KLHDC3: variants seen among roughly 807,000 people sequenced by gnomAD.
KLHDC3 encodes the protein kelch domain containing 3.
In KLHDC3, 5 loss-of-function variants were observed where a neutral mutation model predicts 44.1. The observed-to-expected ratio is 0.11, with a 90% confidence interval of 0.06 to 0.24. The LOEUF (loss-of-function observed/expected upper bound fraction) is 0.24, where lower values mean the gene tolerates loss of function less well. KLHDC3 is among the 10% of genes least tolerant of loss of function. The pLI is 1.00. For missense variants in KLHDC3, 247 were observed against 514.3 expected, an observed-to-expected ratio of 0.48 and a Z score of 5.03; for synonymous variants, 170 against 189.0, an observed-to-expected ratio of 0.90 and a Z score of 0.82.
rs372855075 is a variant in KLHDC3, at chr6:43,021,013, C to T, written c.*280C>T. 4 of 594,770 alleles carry T rather than the reference C, an allele frequency of 6.7e-6. No individual in the cohort carries two copies. 36.8% of individuals were successfully genotyped at this position (594,770 alleles called of 1,614,324 possible). A position where few individuals can be genotyped will look rare whatever the true frequency, so the allele number is the denominator to read the frequency against. On this transcript the variant is annotated 3_prime_UTR_variant, in exon 11 of 11. Coordinates refer to ENST00000326974, the MANE Select transcript of KLHDC3 (RefSeq NM_057161.4). Reference sequence around the variant, plus strand: ...GGCCTCAGCTCTGCCCAGGGCCAGCCAGGTTCTGCTGGGAAGGGAAGGGAA... The same window carrying T: ...GGCCTCAGCTCTGCCCAGGGCCAGCTAGGTTCTGCTGGGAAGGGAAGGGAA...
chr6:43,018,637 C>T lies in KLHDC3; in HGVS notation c.738C>T (p.Gly246=). The T allele has an allele frequency of 6.2e-7, 1 of 1,613,886 alleles. No individual in the cohort carries two copies. Among genetic ancestry groups the T allele is most frequent in the Non-Finnish European group, 8.5e-7 (1 of 1,179,816 alleles). The change falls in exon 7 of 11, where the codon GGC becomes GGT. Residue 246 remains glycine (G), a synonymous_variant. Transcript: ENST00000326974. The surrounding 1 kb of genome is among the most constrained non-coding windows in gnomAD (Gnocchi z 6.0). ...ACACTTCCTCTCTCCTTCCAGTTGG[C>T]TACAATGGGGAGCTGTACATCTTTG... ...PEGRRSHSAF[G]YNGELYIFGG...
rs774262817 is a variant in KLHDC3 at position 43,018,649 on chromosome 6, G to A, written c.750G>A (p.Glu250=). ...RSHSAFGYNG[E]LYIFGGYNAR... ...TCCTTCCAGTTGGCTACAATGGGGA[G>A]CTGTACATCTTTGGTGGTTATAATG... Residue 250 remains glutamate (E), a synonymous_variant, in exon 7 of 11, where the codon GAG becomes GAA. Coordinates refer to ENST00000326974, the MANE Select transcript of KLHDC3 (RefSeq NM_057161.4). This position sits in a 1 kb window ranked among gnomAD's most constrained non-coding sequence, Gnocchi z 6.0. 1.9e-6 allele frequency: 3 copies of A among 1,613,914 alleles called. No individual in the cohort carries two copies. Among genetic ancestry groups the A allele is most frequent in the East Asian group, 4.5e-5 (2 of 44,888 alleles).
At chr6:43,015,091 A>G (rs759766170) in intron 1 of KLHDC3, among the ~76,000 whole-genome samples, 3 of 152,154 alleles carry the variant, frequency 2.0e-5, no homozygotes, top group Non-Finnish European at 4.4e-5. Flanking sequence ...TTACCTTGAC[A>G]TATCTGAAGG....
At chr6:43,014,790 G>A (rs1762520773) in intron 1 of KLHDC3, among the ~76,000 whole-genome samples, 1 of 152,114 alleles carries the variant, frequency 6.6e-6, no homozygotes, top group Non-Finnish European at 1.5e-5. Flanking sequence ...GGAATGGTAG[G>A]AGAAGGAAAA....
intron 1 of KLHDC3, among the ~76,000 whole-genome samples, chr6:43,015,224 G>A (rs996677934): frequency 2.6e-5 from 4 of 152,142 alleles, no homozygotes; most frequent in Non-Finnish European, 4.4e-5. Flanking sequence ...AGTGAGAGTA[G>A]CTTCCTGCTG....
rs372543970 is a variant in KLHDC3 at position 43,018,718 on chromosome 6, T to G, written c.819T>G (p.Pro273=). Residue 273 remains proline (P), a splice_region_variant and synonymous_variant, in exon 7 of 11, where the codon CCT becomes CCG. Transcript: ENST00000326974. This position sits in a 1 kb window ranked among gnomAD's most constrained non-coding sequence, Gnocchi z 6.0. Reference sequence around the variant, plus strand: ...TCCATGACCTCTGGAAGTTTAATCCTGGTAAAGAGCACTGCATTTAGGGCA... The same window carrying G: ...TCCATGACCTCTGGAAGTTTAATCCGGGTAAAGAGCACTGCATTTAGGGCA... ...RHFHDLWKFN[P]VSFTWKKIEP... is the part of the protein sequence containing the mutation. 34 of 1,612,998 alleles carry G rather than the reference T, an allele frequency of 2.1e-5. No individual in the cohort carries two copies. In the East Asian group the frequency reaches 4.2e-4, roughly 20 times the overall value.
intron 10 of KLHDC3, among the ~76,000 whole-genome samples, chr6:43,020,338 G>T (rs575242643): frequency 6.6e-6 from 1 of 152,284 alleles, no homozygotes; most frequent in African/African-American, 2.4e-5. Flanking sequence ...TGCCTGGTTG[G>T]CTCTAAGCAA....
In KLHDC3 at chr6:43,021,207, C is replaced by G. The variant is rs1762689958; in HGVS notation, c.*474C>G. ...CCCGTCTTGGGGAGGTGGGGACCAGCAGATAAATCCCACCCTTCCTTGAGC... is the reference window on the plus strand; with the variant it reads ...CCCGTCTTGGGGAGGTGGGGACCAGGAGATAAATCCCACCCTTCCTTGAGC... On this transcript the variant is annotated 3_prime_UTR_variant, in exon 11 of 11. Transcript: ENST00000326974. 2 of 414,920 alleles carry G rather than the reference C, an allele frequency of 4.8e-6. No homozygotes were observed. The highest frequency in any genetic ancestry group is 9.7e-6 in the Non-Finnish European group (2 of 206,536). The allele number at this position is 414,920 out of a possible 1,614,324, so 25.7% of individuals were successfully genotyped here.
rs752558247 is a variant in KLHDC3, at chr6:43,019,011, ATGGGAGAG to A, written c.929+47_929+54del. The A allele has an allele frequency of 4.5e-6, 7 of 1,566,532 alleles. No individual in the cohort carries two copies. The East Asian group carries it at 1.6e-4, about 35-fold the overall frequency. On this transcript the variant is annotated intron_variant, in intron 8 of 10. Coordinates refer to ENST00000326974, the MANE Select transcript of KLHDC3 (RefSeq NM_057161.4). ...GGGAAGGGGCTCAGGGAAGTCACTA[ATGGGAGAG>A]TGGGAGGTATTTGAAAAGGGGGTTT...
At position 43,020,748 on chromosome 6, in the gene KLHDC3, C is replaced by T. The variant is rs932345810; in HGVS notation, c.*15C>T. The T allele has an allele frequency of 6.2e-7, 1 of 1,604,380 alleles. No individual in the cohort carries two copies. ...CCCATGGGTAGGAGGAAGTTTCTGC[C>T]ACCTCCCCTCCTGAGCCTGCTGTCA... On this transcript the variant is annotated 3_prime_UTR_variant, in exon 11 of 11. Transcript: ENST00000326974.
rs1403550918 is a variant in KLHDC3 at position 43,018,737 on chromosome 6, T to A, written c.820+18T>A. The A allele has an allele frequency of 1.2e-6, 2 of 1,608,470 alleles. No homozygotes were observed. Among genetic ancestry groups the A allele is most frequent in the Non-Finnish European group, 1.7e-6 (2 of 1,174,978 alleles). On this transcript the variant is annotated intron_variant, in intron 7 of 10. Coordinates refer to ENST00000326974, the MANE Select transcript of KLHDC3 (RefSeq NM_057161.4). The surrounding 1 kb of genome is among the most constrained non-coding windows in gnomAD (Gnocchi z 6.0). ...TAATCCTGGTAAAGAGCACTGCATT[T>A]AGGGCAGGAACAAGGAGCAATTGAG...
chr6:43,016,849 C>CA (rs1762590225), intron 1 of KLHDC3: 1 of 292,332 alleles, frequency 3.4e-6, no homozygotes, highest in South Asian at 5.4e-5. Context: ...GTGGAGCCTC[C>CA]ACGAGTAGGT....
In KLHDC3 at chr6:43,017,494, G is replaced by C; in HGVS notation, c.155-25G>C. The stretch of plus-strand genomic sequence containing the variant: ...TGGACAGCCTGGAGGGAGGTTCCCA[G>C]GGCTGAGCAGAGCTGTGCCCACAGT... On this transcript the variant is annotated intron_variant, in intron 2 of 10. Transcript: ENST00000326974. The surrounding 1 kb of genome is among the most constrained non-coding windows in gnomAD (Gnocchi z 6.0). The C allele has an allele frequency of 6.4e-7, 1 of 1,573,642 alleles. No individual in the cohort carries two copies. Among genetic ancestry groups the C allele is most frequent in the Non-Finnish European group, 8.6e-7 (1 of 1,156,488 alleles).
rs370161376 is a variant in KLHDC3, at chr6:43,017,546, C to T, written c.182C>T (p.Pro61Leu). 1.1e-5 allele frequency: 17 copies of T among 1,607,550 alleles called. No individual in the cohort carries two copies. The highest frequency in any genetic ancestry group is 3.3e-5 in the South Asian group (3 of 90,318). ...TCCTTGCGTTGGACAAAGCTGCCCC[C>T]GGTGAAGTCTGCCATCCGTGGGCAA... The part of the protein sequence containing the change: ...AVSLRWTKLP[P>L]VKSAIRGQAP... The change falls in exon 3 of 11, where the codon CCG becomes CTG. Residue 61 changes from proline (P) to leucine (L), a missense_variant. Pro to Leu is a moderately conservative substitution (Grantham distance 98, BLOSUM62 -3). This residue lies in a region of KLHDC3 where 71 missense variants were observed against 100.8 expected (regional missense o/e 0.70). Transcript: ENST00000326974. The surrounding 1 kb of genome is among the most constrained non-coding windows in gnomAD (Gnocchi z 6.0).
chr6:43,018,831 G>A lies in KLHDC3; in HGVS notation c.821-32G>A. 6.4e-7 allele frequency: 1 copy of A among 1,564,732 alleles called. No homozygotes were observed. Among genetic ancestry groups the A allele is most frequent in the Non-Finnish European group, 8.8e-7 (1 of 1,136,716 alleles). On this transcript the variant is annotated intron_variant, in intron 7 of 10. Transcript: ENST00000326974. The surrounding 1 kb of genome is among the most constrained non-coding windows in gnomAD (Gnocchi z 6.0). ...GTGGGGAAGATACCTGGACTAGGCAGGTATTGAACTTCCATATAAATTTCT... is the reference window on the plus strand; with the variant it reads ...GTGGGGAAGATACCTGGACTAGGCAAGTATTGAACTTCCATATAAATTTCT...
At chr6:43,019,677 G>T (rs1413030385) in intron 10 of KLHDC3, among the ~76,000 whole-genome samples, 1 of 152,174 alleles carries the variant, frequency 6.6e-6, no homozygotes, top group Admixed American at 6.5e-5. Flanking sequence ...GCAAAGTAAA[G>T]ACAAGTTTAG....
At position 43,018,996 on chromosome 6, in the gene KLHDC3, T is replaced by C; in HGVS notation, c.929+25T>C. 2 of 1,563,906 alleles carry C rather than the reference T, an allele frequency of 1.3e-6. No individual in the cohort carries two copies. The highest frequency in any genetic ancestry group is 1.8e-6 in the Non-Finnish European group (2 of 1,136,954). On this transcript the variant is annotated intron_variant, in intron 8 of 10. Transcript: ENST00000326974. The surrounding 1 kb of genome is among the most constrained non-coding windows in gnomAD (Gnocchi z 6.0). Reference sequence around the variant, plus strand: ...GGTTAGAAGGAGAGAGGGAAGGGGCTCAGGGAAGTCACTAATGGGAGAGTG... The same window carrying C: ...GGTTAGAAGGAGAGAGGGAAGGGGCCCAGGGAAGTCACTAATGGGAGAGTG...
intron 1 of KLHDC3, among the ~76,000 whole-genome samples, chr6:43,015,212 GAAGT>G (rs1207490509): frequency 6.6e-6 from 1 of 152,082 alleles, no homozygotes; most frequent in African/African-American, 2.4e-5. Context: ...CGGGAGTAAT[GAAGT>G]GAGAGTAGCT....
At chr6:43,020,460 T>G (rs1050069034) in intron 10 of KLHDC3, among the ~76,000 whole-genome samples, 2 of 152,026 alleles carry the variant, frequency 1.3e-5, no homozygotes, top group Non-Finnish European at 2.9e-5. Context: ...CATATGAGCT[T>G]GGAGGTAGAG....
Sources: gnomAD v4.1 joint callset for allele counts (sites outside exome capture counted in the v4.1 genomes callset) on GRCh38, gnomAD v4.1.1 for gene constraint, gnomAD v4.1.1 regional missense constraint, Gnocchi (gnomAD v3.1) non-coding constraint, MANE v1.5 for transcripts, NCBI Gene and HGNC (gene_info 2026-07-23, HGNC 2026-07-21) for gene names.